SPECC1L: variants seen among roughly 807,000 people sequenced by gnomAD.
The protein encoded by SPECC1L is sperm antigen with calponin homology and coiled-coil domains 1 like, also known as cytospin-A.
A neutral mutation model predicts 116.8 loss-of-function variants in SPECC1L; 40 were observed. That is an observed-to-expected ratio of 0.34 (90% CI 0.27 to 0.45). SPECC1L has a LOEUF of 0.45. Among genes scored for constraint, SPECC1L ranks in the 20% least tolerant of loss-of-function variants. SPECC1L has a pLI of 1.00. For missense variants in SPECC1L, 1,110 were observed against 1,373.6 expected, an observed-to-expected ratio of 0.81 and a Z score of 3.03; for synonymous variants, 504 against 500.6, an observed-to-expected ratio of 1.01 and a Z score of -0.09.
At chr22:24,409,927 A>G (rs950324236) in intron 14 of SPECC1L, among the ~76,000 whole-genome samples, 5 of 152,166 alleles carry the variant, frequency 3.3e-5, no homozygotes, top group Admixed American at 1.3e-4. Flanking sequence ...GCTACTCAGG[A>G]GGCTGAGGTA....
chr22:24,409,342 CATG>C (rs1771881905), intron 14 of SPECC1L, among the ~76,000 whole-genome samples: 1 of 152,122 alleles, frequency 6.6e-6, no homozygotes, highest in African/African-American at 2.4e-5. Context: ...GAAAGTGGGA[CATG>C]GTGGTGGGGA....
chr22:24,285,799 G>A (rs2049033791), intron 2 of SPECC1L, among the ~76,000 whole-genome samples: 1 of 152,076 alleles, frequency 6.6e-6, no homozygotes, highest in Non-Finnish European at 1.5e-5. Flanking sequence ...CCACCACCAA[G>A]CCCGGCTAAT....
chr22:24,325,573 TTATTTATA>T (rs1018140280), intron 6 of SPECC1L, among the ~76,000 whole-genome samples: 12 of 138,744 alleles, frequency 8.6e-5, no homozygotes, highest in South Asian at 4.4e-4. Context: ...ATTTATTTAT[TTATTTATA>T]AGAGGTGACA....
rs1429722779 is a variant in SPECC1L at position 24,347,074 on chromosome 22, T to G, written c.2653-12T>G. ...CATTTTAACTTTGATGTTGTTTATC[T>G]TATGATTTCAGAGACATTCCATAAG... On this transcript the variant is annotated splice_polypyrimidine_tract_variant and intron_variant, in intron 10 of 16. Transcript: ENST00000314328. 1.2e-6 allele frequency: 2 copies of G among 1,609,020 alleles called. No homozygotes were observed. Among genetic ancestry groups the G allele is most frequent in the Non-Finnish European group, 1.7e-6 (2 of 1,175,528 alleles).
rs1337140325 is a variant in SPECC1L at position 24,417,687 on chromosome 22, AAG to A, written c.*3066_*3067del. On this transcript the variant is annotated 3_prime_UTR_variant, in exon 17 of 17. Coordinates refer to ENST00000314328, the MANE Select transcript of SPECC1L (RefSeq NM_015330.6). ...TGTCAGGATGTATAAAATAGAGAAA[AAG>A]AAAAAAGGTATCCTACCCAGAGGCA... 6.6e-6 allele frequency: 1 copy of A among 152,214 alleles called. No homozygotes were observed. Among genetic ancestry groups the A allele is most frequent in the African/African-American group, 2.4e-5 (1 of 41,462 alleles). The allele number at this position is 152,214 out of a possible 1,614,324, so 9.4% of individuals were successfully genotyped here.
intron 14 of SPECC1L, among the ~76,000 whole-genome samples, chr22:24,408,782 A>T (rs1438190866): frequency 6.6e-6 from 1 of 152,270 alleles, no homozygotes; most frequent in African/African-American, 2.4e-5. Flanking sequence ...CTTTGCACAG[A>T]CACTGGAACG....
intron 2 of SPECC1L, 46 bp from the exon 3 acceptor site, chr22:24,302,149 T>C (rs772852548): frequency 8.5e-6 from 12 of 1,415,926 alleles, no homozygotes; most frequent in African/African-American, 1.4e-5. Context: ...TCTAAAGCGC[T>C]TCCTTCCAGT....
At chr22:24,329,375 G>T (rs931021773) in intron 7 of SPECC1L, among the ~76,000 whole-genome samples, 19 of 152,188 alleles carry the variant, frequency 1.2e-4, no homozygotes, top group African/African-American at 4.6e-4. Context: ...GATAGATTTG[G>T]GGAAAAAGTG....
At chr22:24,280,862 C>T (rs959645020) in intron 2 of SPECC1L, among the ~76,000 whole-genome samples, 1 of 152,204 alleles carries the variant, frequency 6.6e-6, no homozygotes, top group African/African-American at 2.4e-5. Context: ...GTTGGGATTA[C>T]AGGCATGAGC....
intron 2 of SPECC1L, among the ~76,000 whole-genome samples, chr22:24,301,735 C>G (rs575625202): frequency 6.6e-6 from 1 of 152,180 alleles, no homozygotes; most frequent in South Asian, 2.1e-4. Flanking sequence ...GTATTGTTTT[C>G]AAGGTTCACC....
At chr22:24,293,996 G>A (rs1457062456) in intron 2 of SPECC1L, among the ~76,000 whole-genome samples, 1 of 25,268 alleles carries the variant, frequency 4.0e-5, no homozygotes, top group Non-Finnish European at 7.8e-5. Flanking sequence ...GGAACTGCAA[G>A]TCAGGTTATA....
intron 14 of SPECC1L, among the ~76,000 whole-genome samples, 175 bp from the exon 15 acceptor site, chr22:24,411,413 G>C (rs1311331543): frequency 6.6e-6 from 1 of 152,154 alleles, no homozygotes; most frequent in Non-Finnish European, 1.5e-5. Flanking sequence ...CTGGTGGGTG[G>C]GACGGGTTGG....
intron 6 of SPECC1L, among the ~76,000 whole-genome samples, chr22:24,327,205 G>C (rs1447440163): frequency 1.3e-5 from 2 of 150,646 alleles, no homozygotes; most frequent in East Asian, 3.9e-4. Flanking sequence ...TTGAACCCAG[G>C]GGGCAGAGGT....
intron 10 of SPECC1L, among the ~76,000 whole-genome samples, chr22:24,341,233 T>C (rs2041171191): frequency 6.6e-6 from 1 of 152,226 alleles, no homozygotes. Flanking sequence ...TAGGCATCCC[T>C]TTGAGTCTTT....
intron 4 of SPECC1L, among the ~76,000 whole-genome samples, chr22:24,320,517 A>C (rs117953609): frequency 6.6e-6 from 1 of 152,140 alleles, no homozygotes; most frequent in South Asian, 2.1e-4. Context: ...CTGGGTTTCA[A>C]TTTTGGCTCA....
chr22:24,325,199 T>G (rs1455942328), intron 6 of SPECC1L, among the ~76,000 whole-genome samples: 1 of 152,164 alleles, frequency 6.6e-6, no homozygotes, highest in African/African-American at 2.4e-5. Context: ...GAATGTTGCT[T>G]TTGAGTTGAA....
chr22:24,390,097 G>A (rs1001337313), intron 14 of SPECC1L, among the ~76,000 whole-genome samples: 2 of 151,066 alleles, frequency 1.3e-5, no homozygotes, highest in Non-Finnish European at 2.9e-5. Flanking sequence ...CAGCCTTGAA[G>A]GGGAATGTTA....
intron 9 of SPECC1L, among the ~76,000 whole-genome samples, chr22:24,336,516 C>T (rs999214946): frequency 1.3e-5 from 2 of 151,952 alleles, no homozygotes; most frequent in African/African-American, 4.8e-5. Context: ...TGGTAACATG[C>T]TATCACCACA....
At chr22:24,280,842 C>T (rs536684531) in intron 2 of SPECC1L, among the ~76,000 whole-genome samples, 1 of 152,268 alleles carries the variant, frequency 6.6e-6, no homozygotes, top group Non-Finnish European at 1.5e-5. Context: ...CCTACTCGGC[C>T]ACCGAAAGTG....
Sources: allele counts gnomAD v4.1 joint callset (sites outside exome capture counted in the v4.1 genomes callset), GRCh38; gene constraint gnomAD v4.1.1; transcripts MANE v1.5; gene names NCBI Gene and HGNC (gene_info 2026-07-23, HGNC 2026-07-21).